SLC38A9: variants seen among roughly 807,000 people sequenced by gnomAD.
SLC38A9 encodes the protein solute carrier family 38 member 9.
A neutral mutation model predicts 62.3 loss-of-function variants in SLC38A9; 48 were observed. That is an observed-to-expected ratio of 0.77 (90% CI 0.61 to 0.98). The LOEUF (loss-of-function observed/expected upper bound fraction) is 0.98. Ranked by LOEUF, SLC38A9 falls within the 50% of genes least tolerant of loss-of-function variation. The probability of loss-of-function intolerance (pLI) is 0.00; values close to 1 mark genes in which losing one functional copy is unlikely to be tolerated. For missense variants in SLC38A9, 541 were observed against 679.8 expected (o/e 0.80, Z 2.27); for synonymous variants, 204 against 227.7 (o/e 0.90, Z 0.94).
intron 8 of SLC38A9, among the ~76,000 whole-genome samples, chr5:55,663,063 T>C (rs1343704786): frequency 1.3e-5 from 2 of 151,846 alleles, no homozygotes; most frequent in African/African-American, 4.8e-5. Context: ...CCCAGCTAAT[T>C]TTTGTATTTT....
intron 4 of SLC38A9, among the ~76,000 whole-genome samples, chr5:55,671,136 T>G (rs1751245208): frequency 6.6e-6 from 1 of 152,120 alleles, no homozygotes; most frequent in Non-Finnish European, 1.5e-5. Flanking sequence ...CAGTTAAACT[T>G]GCAAGTTTCT....
At chr5:55,706,448 A>T (rs1757310797) in intron 2 of SLC38A9, among the ~76,000 whole-genome samples, 1 of 152,236 alleles carries the variant, frequency 6.6e-6, no homozygotes, top group Non-Finnish European at 1.5e-5. Context: ...AAATCTAGAA[A>T]GATCCTTGGA....
At chr5:55,676,709 T>A (rs1256251623) in intron 3 of SLC38A9, among the ~76,000 whole-genome samples, 1 of 152,342 alleles carries the variant, frequency 6.6e-6, no homozygotes, top group East Asian at 1.9e-4. Context: ...AGACTTTTTC[T>A]ACGACGACAC....
At chr5:55,684,203 T>C (rs4532323) in intron 3 of SLC38A9, among the ~76,000 whole-genome samples, 91,180 of 152,022 alleles carry the variant, frequency 0.6, 27,925 homozygotes, top group South Asian at 0.7. Context: ...CTGTTCCTGA[T>C]AACTCCATTA....
intron 12 of SLC38A9, among the ~76,000 whole-genome samples, chr5:55,636,941 C>G (rs974512682): frequency 6.6e-6 from 1 of 152,162 alleles, no homozygotes; most frequent in Non-Finnish European, 1.5e-5. Context: ...TCATGAAGCT[C>G]TAGGTCTGAC....
At chr5:55,685,238 A>G (rs762408580) in intron 3 of SLC38A9, among the ~76,000 whole-genome samples, 3 of 152,112 alleles carry the variant, frequency 2.0e-5, no homozygotes, top group Non-Finnish European at 2.9e-5. Context: ...CATTTTTACC[A>G]TCCCAAAAGA....
chr5:55,649,483 G>A (rs531774945), intron 10 of SLC38A9, among the ~76,000 whole-genome samples, 169 bp from the exon 11 acceptor site: 1 of 122,738 alleles, frequency 8.1e-6, no homozygotes, highest in South Asian at 3.1e-4. Context: ...CAAGCTGAGG[G>A]AGTTACCAGA....
Position 55,678,141 on chromosome 5 carries a change from T to TTTTTG in SLC38A9, c.114-5447_114-5446insCAAAA, listed in dbSNP as rs1410603207. ...CAAAAGGTGAACAAGGTTACTGGTT[T>TTTTTG]TTTTTTCTTTTTTTGAGACAGTCTT... is the stretch of plus-strand genomic sequence containing the variant. On this transcript the variant is annotated intron_variant, in intron 3 of 15. Coordinates refer to ENST00000396865, the MANE Select transcript of SLC38A9 (RefSeq NM_173514.4). 2.1e-5 allele frequency among the ~76,000 whole-genome samples: 3 copies of TTTTTG among 145,616 alleles called. No homozygotes were observed. In the East Asian group the frequency reaches 5.9e-4, roughly 29 times the overall value.
intron 3 of SLC38A9, among the ~76,000 whole-genome samples, chr5:55,685,335 G>T (rs751271012): frequency 1.3e-5 from 2 of 152,116 alleles, no homozygotes; most frequent in Non-Finnish European, 2.9e-5. Context: ...AATCTAGAAA[G>T]TTTATATAAA....
intron 3 of SLC38A9, chr5:55,697,349 G>A (rs1025241922): frequency 6.6e-6 from 1 of 152,370 alleles, no homozygotes; most frequent in Non-Finnish European, 1.5e-5. Context: ...ATTTTTGCCT[G>A]TTTTGTAAGC....
At chr5:55,701,653 A>G (rs1057178432) in intron 2 of SLC38A9, among the ~76,000 whole-genome samples, 5 of 152,220 alleles carry the variant, frequency 3.3e-5, no homozygotes, top group African/African-American at 1.2e-4. Flanking sequence ...GCCTTACCCA[A>G]TTGGTTGTTA....
chr5:55,689,124 GATAAACT>G (rs565644349), intron 3 of SLC38A9, among the ~76,000 whole-genome samples: 54 of 152,284 alleles, frequency 3.5e-4, no homozygotes, highest in South Asian at 6.2e-4. Context: ...AATATACCAA[GATAAACT>G]ATAAACTACT....
At chr5:55,693,097 A>T in intron 3 of SLC38A9, 1 of 672,282 alleles carries the variant, frequency 1.5e-6, no homozygotes, top group Non-Finnish European at 1.8e-6. Context: ...GATTCTGTTG[A>T]CATTAAGGAA....
chr5:55,626,332 TA>T lies in SLC38A9; in HGVS notation c.*161del. The stretch of plus-strand genomic sequence containing the variant: ...CTTTTTGCCCCTTTCCCCACCCCAA[TA>T]AAAAAATACTCATTAAGGGGCCACT... On this transcript the variant is annotated 3_prime_UTR_variant, in exon 16 of 16. Coordinates refer to ENST00000396865, the MANE Select transcript of SLC38A9 (RefSeq NM_173514.4). The T allele has an allele frequency of 5.0e-6, 3 of 605,926 alleles. No homozygotes were observed. The highest frequency in any genetic ancestry group is 8.3e-6 in the Non-Finnish European group (3 of 360,566). The allele number at this position is 605,926 out of a possible 1,614,324, so 37.5% of individuals were successfully genotyped here. A position where few individuals can be genotyped will look rare whatever the true frequency, so the allele number is the denominator to read the frequency against.
chr5:55,626,830 CTAAGT>C (rs1742530178), intron 15 of SLC38A9, among the ~76,000 whole-genome samples, 171 bp from the exon 16 acceptor site: 1 of 152,052 alleles, frequency 6.6e-6, no homozygotes, highest in Non-Finnish European at 1.5e-5. Context: ...ACTTTACTTG[CTAAGT>C]TAATATAAAA....
chr5:55,698,809 T>A (rs7443054), intron 2 of SLC38A9, among the ~76,000 whole-genome samples: 1 of 151,788 alleles, frequency 6.6e-6, no homozygotes, highest in Non-Finnish European at 1.5e-5. Flanking sequence ...CACATGCCTG[T>A]AGTCTCAGCT....
At chr5:55,637,623 C>G (rs988153354) in intron 12 of SLC38A9, among the ~76,000 whole-genome samples, 1 of 152,102 alleles carries the variant, frequency 6.6e-6, no homozygotes, top group Non-Finnish European at 1.5e-5. Context: ...TCCCCAATAC[C>G]CAGGACCACG....
At chr5:55,704,176 A>C (rs1395863212) in intron 2 of SLC38A9, 1 of 152,202 alleles carries the variant, frequency 6.6e-6, no homozygotes, top group Non-Finnish European at 1.5e-5. Context: ...TCAAAAAATA[A>C]AATAAAATAC....
At chr5:55,658,411 C>A (rs1402904502) in intron 8 of SLC38A9, among the ~76,000 whole-genome samples, 3 of 152,210 alleles carry the variant, frequency 2.0e-5, no homozygotes, top group Non-Finnish European at 4.4e-5. Flanking sequence ...GCCTTGGCCT[C>A]CCAGAGTGCT....
Sources: allele counts gnomAD v4.1 joint callset (sites outside exome capture counted in the v4.1 genomes callset), GRCh38; gene constraint gnomAD v4.1.1; transcripts MANE v1.5; gene names NCBI Gene and HGNC (gene_info 2026-07-23, HGNC 2026-07-21).